TRPS1: variants seen among roughly 807,000 people sequenced by gnomAD.
The protein encoded by TRPS1 is zinc finger transcription factor Trps1.
In TRPS1, 6 loss-of-function variants were observed where a neutral mutation model predicts 101.2. The observed-to-expected ratio is 0.06, with a 90% CI of 0.03 to 0.12. TRPS1 has a LOEUF of 0.12. Among genes scored for constraint, TRPS1 ranks in the 10% least tolerant of loss-of-function variants. TRPS1 has a pLI of 1.00. For synonymous variants in TRPS1, 578 were observed against 589.8 expected (o/e 0.98, Z 0.29); for missense variants, 1,363 against 1,567.0 (o/e 0.87, Z 2.20).
At chr8:115,658,016 G>T (rs1465521123) in intron 1 of TRPS1, among the ~76,000 whole-genome samples, 3 of 152,004 alleles carry the variant, frequency 2.0e-5, no homozygotes, top group East Asian at 3.9e-4. Context: ...ACAGTGTAGG[G>T]GGAAGAGGGG....
rs1296516436 is a variant in TRPS1 at position 115,409,916 on chromosome 8, TTTC to T, written c.*4104_*4106del. The stretch of plus-strand genomic sequence containing the variant: ...CTCACCAAAGACGACTTGATCTTTT[TTTC>T]TTTTTTTTTTTTTGCCATGGCTCTC... On this transcript the variant is annotated 3_prime_UTR_variant, in exon 7 of 7. Transcript: ENST00000395715. 1 of 95,900 alleles carries T rather than the reference TTTC, an allele frequency of 1.0e-5. No individual in the cohort carries two copies. Among genetic ancestry groups the T allele is most frequent in the Non-Finnish European group, 2.0e-5 (1 of 50,984 alleles). The allele number at this position is 95,900 out of a possible 1,614,324, so 5.9% of individuals were successfully genotyped here. A position where few individuals can be genotyped will look rare whatever the true frequency, so the allele number is the denominator to read the frequency against.
intron 4 of TRPS1, among the ~76,000 whole-genome samples, chr8:115,602,433 A>G (rs576826232): frequency 1.6e-4 from 24 of 152,340 alleles, no homozygotes; most frequent in African/African-American, 5.3e-4. Flanking sequence ...GAGGAGCCAG[A>G]AACACTCATT....
chr8:115,424,355 C>T (rs999234422), intron 5 of TRPS1, among the ~76,000 whole-genome samples: 2 of 152,126 alleles, frequency 1.3e-5, no homozygotes, highest in East Asian at 1.9e-4. Flanking sequence ...GCTTCTGGTA[C>T]GATTTCACAG....
intron 3 of TRPS1, among the ~76,000 whole-genome samples, chr8:115,618,232 A>G (rs919174576): frequency 6.6e-6 from 1 of 152,188 alleles, no homozygotes; most frequent in African/African-American, 2.4e-5. Context: ...TTATAATACA[A>G]TAAAAATCTA....
At chr8:115,624,271 G>A (rs1319568151) in intron 1 of TRPS1, among the ~76,000 whole-genome samples, 1 of 151,956 alleles carries the variant, frequency 6.6e-6, no homozygotes, top group Non-Finnish European at 1.5e-5. Context: ...GTTAGAGTAA[G>A]TCTACTATGA....
At chr8:115,562,878 G>C (rs1409032049) in intron 5 of TRPS1, among the ~76,000 whole-genome samples, 2 of 68,740 alleles carry the variant, frequency 2.9e-5, no homozygotes, top group African/African-American at 2.4e-4. Context: ...CACAGTGTCT[G>C]TGTGTGTGTG....
At chr8:115,431,933 T>C (rs566200311) in intron 5 of TRPS1, among the ~76,000 whole-genome samples, 3 of 152,002 alleles carry the variant, frequency 2.0e-5, no homozygotes, top group South Asian at 2.1e-4. Flanking sequence ...TAAATATATA[T>C]GCATGCATTT....
intron 1 of TRPS1, among the ~76,000 whole-genome samples, chr8:115,655,461 T>A (rs1190460845): frequency 6.6e-6 from 1 of 151,864 alleles, no homozygotes; most frequent in Non-Finnish European, 1.5e-5. Flanking sequence ...ATCACAGAAC[T>A]AAGAGAGTCA....
At chr8:115,556,720 TAATG>T in intron 5 of TRPS1, among the ~76,000 whole-genome samples, 1 of 152,186 alleles carries the variant, frequency 6.6e-6, no homozygotes, top group Non-Finnish European at 1.5e-5. Context: ...TCTGGCAACT[TAATG>T]AAGTTGGGAA....
chr8:115,584,640 T>G (rs1817524527), intron 5 of TRPS1, among the ~76,000 whole-genome samples: 1 of 151,848 alleles, frequency 6.6e-6, no homozygotes, highest in Non-Finnish European at 1.5e-5. Flanking sequence ...TTTTTTTTTT[T>G]TCTACCACTG....
At chr8:115,632,491 C>T (rs186907077) in intron 1 of TRPS1, among the ~76,000 whole-genome samples, 52 of 152,082 alleles carry the variant, frequency 3.4e-4, no homozygotes, top group Middle Eastern at 3.4e-3. Flanking sequence ...CACAAACACA[C>T]GTGCACACAC....
At chr8:115,560,740 T>C (rs184670643) in intron 5 of TRPS1, among the ~76,000 whole-genome samples, 95 of 152,234 alleles carry the variant, frequency 6.2e-4, no homozygotes, top group African/African-American at 2.1e-3. Flanking sequence ...ATTTTTACAA[T>C]GCTACCTGGC....
At chr8:115,638,208 T>G (rs957733922) in intron 1 of TRPS1, among the ~76,000 whole-genome samples, 1 of 152,310 alleles carries the variant, frequency 6.6e-6, no homozygotes, top group Middle Eastern at 3.4e-3. Context: ...AAGGTTAATC[T>G]AAAATTCCAT....
chr8:115,520,123 T>A (rs796996521), intron 5 of TRPS1, among the ~76,000 whole-genome samples: 1 of 151,438 alleles, frequency 6.6e-6, no homozygotes, highest in African/African-American at 2.4e-5. Context: ...GGAACCACTT[T>A]AAAAAAAACA....
intron 5 of TRPS1, among the ~76,000 whole-genome samples, chr8:115,507,001 T>C (rs943598589): frequency 6.6e-6 from 1 of 152,090 alleles, no homozygotes; most frequent in African/African-American, 2.4e-5. Flanking sequence ...GGGTTAAAAA[T>C]AAAGATGGCT....
intron 5 of TRPS1, among the ~76,000 whole-genome samples, chr8:115,498,326 T>C (rs1815201399): frequency 1.4e-5 from 2 of 146,688 alleles, no homozygotes; most frequent in Admixed American, 7.0e-5. Context: ...TGCAGTGAGC[T>C]GAGATCATGC....
At chr8:115,454,932 C>T (rs1813979199) in intron 5 of TRPS1, among the ~76,000 whole-genome samples, 1 of 152,156 alleles carries the variant, frequency 6.6e-6, no homozygotes, top group African/African-American at 2.4e-5. Context: ...AAGCCTTAGG[C>T]TTCCAGATAC....
At chr8:115,586,381 G>T (rs559834639) in intron 5 of TRPS1, among the ~76,000 whole-genome samples, 18 of 152,248 alleles carry the variant, frequency 1.2e-4, no homozygotes, top group African/African-American at 4.3e-4. Flanking sequence ...CCCCCTAAAA[G>T]ATCCTGTTCA....
intron 3 of TRPS1, among the ~76,000 whole-genome samples, chr8:115,609,278 A>G (rs1056024117): frequency 2.0e-5 from 3 of 152,334 alleles, no homozygotes; most frequent in Admixed American, 6.5e-5. Flanking sequence ...AAATGGGATA[A>G]AGAGATTACA....
Sources: allele counts gnomAD v4.1 joint callset (sites outside exome capture counted in the v4.1 genomes callset), GRCh38; gene constraint gnomAD v4.1.1; transcripts MANE v1.5; gene names NCBI Gene and HGNC (gene_info 2026-07-23, HGNC 2026-07-21).